Variants in TMCO6 observed in about 807,000 individuals in gnomAD.
TMCO6 encodes the protein transmembrane and coiled-coil domains 6.
A neutral mutation model predicts 61.8 loss-of-function variants in TMCO6; 47 were observed. The ratio of observed to expected loss-of-function variants is 0.76; its 90% confidence interval spans 0.60 to 0.97. The LOEUF (loss-of-function observed/expected upper bound fraction) is 0.97. Among genes scored for constraint, TMCO6 ranks in the 50% least tolerant of loss-of-function variants. TMCO6 has a pLI of 0.00. For missense variants in TMCO6, 557 were observed against 601.6 expected, an observed-to-expected ratio of 0.93 and a Z score of 0.78; for synonymous variants, 261 against 254.2, an observed-to-expected ratio of 1.03 and a Z score of -0.25.
chr5:140,643,655 G>A lies in TMCO6; in HGVS notation c.898G>A (p.Glu300Lys), dbSNP rs753691038. The change falls in exon 8 of 12, where the codon GAG (glutamate) becomes AAG (lysine). Residue 300 changes from glutamate to lysine, a missense_variant. Transcript: ENST00000394671. ...CTTGGCTGGGGCTGTCCAGAAAACC[G>A]AGGATGCAGGACTGGAGCTGGTAGG... ...LDLAGAVQKT[E>K]DAGLELLACP... 8 of 1,613,068 alleles carry A rather than the reference G, an allele frequency of 5.0e-6. No individual in the cohort carries two copies. The East Asian group carries it at 6.7e-5, about 13-fold the overall frequency.
At chr5:140,607,150 C>G in the TMCO6 span, among the ~76,000 whole-genome samples, 1 of 152,136 alleles carries the variant, frequency 6.6e-6, no homozygotes, top group Non-Finnish European at 1.5e-5. Flanking sequence ...CAATGCTTTT[C>G]ATCATCCTAA....
chr5:140,642,162 C>A, intron 4 of TMCO6, 109 bp downstream of exon 4: 1 of 1,465,338 alleles, frequency 6.8e-7, no homozygotes, highest in Non-Finnish European at 9.3e-7. Flanking sequence ...TGCCCTTATG[C>A]CTACAGCCAT....
chr5:140,628,446 C>CT, the TMCO6 span, among the ~76,000 whole-genome samples: 324 of 147,764 alleles, frequency 2.2e-3, 5 homozygotes, highest in Non-Finnish European at 1.7e-3. Flanking sequence ...CTTTTCTTTT[C>CT]TTTTTTTTTT....
At chr5:140,619,512 T>G in the TMCO6 span, among the ~76,000 whole-genome samples, 1 of 151,736 alleles carries the variant, frequency 6.6e-6, no homozygotes, top group Non-Finnish European at 1.5e-5. Flanking sequence ...TCAGGTGCAA[T>G]AAGATAGGGA....
chr5:140,626,132 A>C, the TMCO6 span, among the ~76,000 whole-genome samples: 19 of 152,076 alleles, frequency 1.2e-4, no homozygotes, highest in Non-Finnish European at 2.5e-4. Context: ...CCAAATTCTT[A>C]TAGCCAGGCC....
Position 140,644,444 on chromosome 5 carries a change from G to C in TMCO6, c.1201-129G>C, listed in dbSNP as rs141008785. The stretch of plus-strand genomic sequence containing the variant: ...CTTGCATCATAGGGTAGTTGTAGGA[G>C]TATGAGAACATGTATGTAGAAGAGC... On this transcript the variant is annotated intron_variant, in intron 10 of 11. Transcript: ENST00000394671. 5.7e-4 allele frequency: 637 copies of C among 1,126,272 alleles called. 6 individuals are homozygous for C. In the African/African-American group the frequency reaches 8.4e-3, roughly 15 times the overall value. 69.8% of individuals were successfully genotyped at this position (1,126,272 alleles called of 1,614,324 possible).
chr5:140,642,052 T>C lies in TMCO6; in HGVS notation c.497T>C (p.Ile166Thr), dbSNP rs202191393. The change falls in exon 4 of 12, where the codon ATA (isoleucine) becomes ACA (threonine). Residue 166 changes from isoleucine (I) to threonine (T), a missense_variant and splice_region_variant. By Grantham distance (89) the Ile-to-Thr change is moderately conservative. Transcript: ENST00000394671. The stretch of plus-strand genomic sequence containing the variant: ...CTCTCCAGTCACAGCTCAGACTTCA[T>C]AGTAAGCCCTGTCCCTTCCTATCTT... The part of the protein sequence containing the change: ...TYLSSHSSDF[I>T]ELCLYTLGNL... 6.1e-5 allele frequency: 97 copies of C among 1,601,920 alleles called. No homozygotes were observed. The East Asian group carries it at 1.1e-3, about 19-fold the overall frequency.
upstream of TMCO6, among the ~76,000 whole-genome samples, chr5:140,634,701 T>C (rs1045174394): frequency 3.9e-5 from 6 of 152,034 alleles, no homozygotes; most frequent in Non-Finnish European, 8.8e-5. Context: ...GACCAGGCAC[T>C]CCTGACCTCA....
At chr5:140,647,412 C>T (rs754726383), downstream of TMCO6, 2 of 1,610,716 alleles carry the variant, frequency 1.2e-6, no homozygotes, top group African/African-American at 1.3e-5. Context: ...GGGCTTCCCT[C>T]AACTTCAGGG....
At chr5:140,600,551 C>A in the TMCO6 span, among the ~76,000 whole-genome samples, 2 of 151,174 alleles carry the variant, frequency 1.3e-5, no homozygotes, top group Admixed American at 6.6e-5. Flanking sequence ...CTGCAACCTT[C>A]GCCTCCCGAG....
At chr5:140,644,927 G>A (rs1408277960) in intron 11 of TMCO6, 58 bp from the exon 12 acceptor site, 2 of 1,575,696 alleles carry the variant, frequency 1.3e-6, no homozygotes, top group African/African-American at 1.3e-5. Context: ...TGAGGCTGTG[G>A]GAATTGAGTC....
chr5:140,611,990 C>T, the TMCO6 span, among the ~76,000 whole-genome samples: 1 of 152,128 alleles, frequency 6.6e-6, no homozygotes, highest in Non-Finnish European at 1.5e-5. Context: ...GAAAAGAAGA[C>T]TGGATGGGAG....
At chr5:140,630,261 G>A in the TMCO6 span, among the ~76,000 whole-genome samples, 1 of 151,734 alleles carries the variant, frequency 6.6e-6, no homozygotes, top group Admixed American at 6.6e-5. Context: ...CAAAGTGCTG[G>A]GATTATAGGC....
At chr5:140,615,361 A>G in the TMCO6 span, among the ~76,000 whole-genome samples, 1 of 152,158 alleles carries the variant, frequency 6.6e-6, no homozygotes, top group South Asian at 2.1e-4. Flanking sequence ...TGATATCAAC[A>G]CTCTCTAAAG....
chr5:140,644,779 C>G (rs1411861534), intron 11 of TMCO6, 39 bp downstream of exon 11: 2 of 1,609,920 alleles, frequency 1.2e-6, no homozygotes, highest in Non-Finnish European at 1.7e-6. Flanking sequence ...CACCCCTGTT[C>G]TGAAGCCACA....
chr5:140,617,231 G>A, the TMCO6 span, among the ~76,000 whole-genome samples: 1 of 152,104 alleles, frequency 6.6e-6, no homozygotes, highest in Non-Finnish European at 1.5e-5. Context: ...TTCAAGACCA[G>A]CCTGGCCAAC....
chr5:140,631,757 G>A, the TMCO6 span: 3 of 1,107,976 alleles, frequency 2.7e-6, no homozygotes, highest in African/African-American at 4.7e-5. Context: ...TAATAAAGGT[G>A]GGGCAAAGGG....
At chr5:140,606,915 G>T in the TMCO6 span, among the ~76,000 whole-genome samples, 3 of 151,718 alleles carry the variant, frequency 2.0e-5, no homozygotes, top group Admixed American at 1.3e-4. Flanking sequence ...CGATGTTGAT[G>T]AGCTTGACTC....
At chr5:140,642,100 T>C in intron 4 of TMCO6, 47 bp downstream of exon 4, 1 of 1,573,906 alleles carries the variant, frequency 6.4e-7, no homozygotes, top group Non-Finnish European at 8.7e-7. Flanking sequence ...GATTTTAAAA[T>C]TGTGCTTTTG....
Sources: allele counts gnomAD v4.1 joint callset (sites outside exome capture counted in the v4.1 genomes callset), GRCh38; gene constraint gnomAD v4.1.1; transcripts MANE v1.5; gene names NCBI Gene and HGNC (gene_info 2026-07-23, HGNC 2026-07-21).